The following ATP13A4 variants were observed in gnomAD, a reference collection of about 807,000 sequenced individuals.
ATP13A4 encodes ATPase 13A4, also known as probable cation-transporting ATPase 13A4.
Under a neutral mutation model 142.5 loss-of-function variants are expected in ATP13A4, and 114 were observed. The observed-to-expected ratio is 0.80, with a 90% CI of 0.69 to 0.93. The LOEUF (loss-of-function observed/expected upper bound fraction) is 0.93, where lower values mean the gene tolerates loss of function less well. Among genes scored for constraint, ATP13A4 ranks in the 40% least tolerant of loss-of-function variants. The pLI is 0.00. For missense variants in ATP13A4, 1,392 were observed against 1,454.0 expected (o/e 0.96, Z 0.69); for synonymous variants, 488 against 514.8 (o/e 0.95, Z 0.70).
upstream of ATP13A4, among the ~76,000 whole-genome samples, chr3:193,555,512 A>G (rs1396506896): frequency 6.6e-6 from 1 of 152,236 alleles, no homozygotes; most frequent in Non-Finnish European, 1.5e-5. Context: ...AAACTAGTCT[A>G]TGTAGTCTCC....
upstream of ATP13A4, among the ~76,000 whole-genome samples, chr3:193,556,275 T>C (rs1723884410): frequency 6.6e-6 from 1 of 152,202 alleles, no homozygotes; most frequent in Non-Finnish European, 1.5e-5. Flanking sequence ...ACCTTCACCA[T>C]GTCCACTGTC....
chr3:193,407,788 G>A (rs1714576882), intron 28 of ATP13A4, among the ~76,000 whole-genome samples: 1 of 152,182 alleles, frequency 6.6e-6, no homozygotes, highest in African/African-American at 2.4e-5. Flanking sequence ...CAGGAATGTG[G>A]CTTTATCCCC....
At chr3:193,491,925 CA>C (rs1197357939) in intron 5 of ATP13A4, among the ~76,000 whole-genome samples, 2 of 152,136 alleles carry the variant, frequency 1.3e-5, no homozygotes, top group Non-Finnish European at 2.9e-5. Context: ...CTTTTTGATT[CA>C]GTGTCTCTAA....
intron 25 of ATP13A4, among the ~76,000 whole-genome samples, chr3:193,423,820 T>C (rs1331768601): frequency 1.5e-5 from 2 of 137,770 alleles, no homozygotes; most frequent in African/African-American, 2.7e-5. Context: ...CTGGAAGTCC[T>C]AGCCAGAGCA....
chr3:193,441,634 G>C lies in ATP13A4; in HGVS notation c.2317-46C>G, dbSNP rs370819281. 3.4e-5 allele frequency: 54 copies of C among 1,602,356 alleles called. No homozygotes were observed. The African/African-American group carries it at 7.0e-4, about 21-fold the overall frequency. On this transcript the variant is annotated intron_variant, in intron 19 of 29. Coordinates refer to ENST00000342695, the MANE Select transcript of ATP13A4 (RefSeq NM_032279.4). ...ATTTTAGACTCTTTCATTTGACAGA[G>C]TGGTTAGAACCATAAGCATATCTGA... is the stretch of plus-strand genomic sequence containing the variant.
chr3:193,541,470 ATAT>A (rs1436598231), intron 1 of ATP13A4, among the ~76,000 whole-genome samples: 1 of 149,880 alleles, frequency 6.7e-6, no homozygotes, highest in Non-Finnish European at 1.5e-5. Context: ...TTTCACAGAG[ATAT>A]TATCTCTGAC....
At chr3:193,458,938 C>T in intron 14 of ATP13A4, 143 bp downstream of exon 14, 1 of 1,077,756 alleles carries the variant, frequency 9.3e-7, no homozygotes, top group Non-Finnish European at 1.4e-6. Context: ...AGGAAACCAG[C>T]CTTAGATTGG....
intron 9 of ATP13A4, 124 bp from the exon 10 acceptor site, chr3:193,467,610 C>T: frequency 2.1e-6 from 2 of 945,006 alleles, no homozygotes; most frequent in South Asian, 2.6e-5. Flanking sequence ...AGAGACAACC[C>T]TAGGTATTGG....
intron 1 of ATP13A4, among the ~76,000 whole-genome samples, chr3:193,586,112 CACACAT>C (rs1226539568): frequency 1.7e-4 from 21 of 126,268 alleles, no homozygotes; most frequent in Admixed American, 9.9e-4. Context: ...CACACACACA[CACACAT>C]ATACACACAC....
chr3:193,539,699 CA>C (rs1003846606), intron 1 of ATP13A4, among the ~76,000 whole-genome samples: 8 of 152,200 alleles, frequency 5.3e-5, no homozygotes, highest in Non-Finnish European at 1.0e-4. Flanking sequence ...ACAACAGAAA[CA>C]GTTAGTCTTT....
chr3:193,437,825 A>ATTTTT lies in ATP13A4; in HGVS notation c.2672+645_2672+649dup, dbSNP rs372139378. On this transcript the variant is annotated intron_variant, in intron 23 of 29. Transcript: ENST00000342695. Reference sequence around the variant, plus strand: ...GTGAGAGCAGCAAAAGCCAATAAAGATTTTTTTTTTTTTTTTTTTTTTTTG... The same window carrying ATTTTT: ...GTGAGAGCAGCAAAAGCCAATAAAGATTTTTTTTTTTTTTTTTTTTTTTTTTTTTG... Among the ~76,000 whole-genome samples, 17 of 102,946 alleles carry ATTTTT rather than the reference A, an allele frequency of 1.7e-4. 1 individual carries two copies. Among genetic ancestry groups the ATTTTT allele is most frequent in the Admixed American group, 3.4e-4 (3 of 8,810 alleles). 67.5% of individuals were successfully genotyped at this position (102,946 alleles called of 152,430 possible).
Position 193,502,457 on chromosome 3 carries a change from C to T in ATP13A4, c.381+36G>A, listed in dbSNP as rs367829685. ...ATACTTGAGGGGAAAAAGATTAAAT[C>T]TCTCTGACATCAGCAGTAGCCATAA... On this transcript the variant is annotated intron_variant, in intron 3 of 29. Transcript: ENST00000342695. 3.1e-6 allele frequency: 5 copies of T among 1,606,306 alleles called. No individual in the cohort carries two copies. The African/African-American group carries it at 5.4e-5, about 17-fold the overall frequency.
intron 1 of ATP13A4, among the ~76,000 whole-genome samples, chr3:193,531,330 GGAAGGA>G: frequency 1.5e-5 from 2 of 130,706 alleles, no homozygotes; most frequent in African/African-American, 5.7e-5. Flanking sequence ...AAGGAAGGAA[GGAAGGA>G]AGGGAGGAAG....
intron 22 of ATP13A4, 52 bp from the exon 23 acceptor site, chr3:193,438,636 C>T: frequency 6.7e-7 from 1 of 1,486,816 alleles, no homozygotes; most frequent in Non-Finnish European, 9.4e-7. Flanking sequence ...TACGTCTCTA[C>T]TAAAGCCTCA....
chr3:193,467,290 A>G (rs1199963038), intron 10 of ATP13A4, 26 bp downstream of exon 10: 4 of 1,613,678 alleles, frequency 2.5e-6, no homozygotes, highest in East Asian at 2.2e-5. Context: ...TACCATTAAA[A>G]ATAAGAAAAA....
chr3:193,575,972 T>G (rs1184763881), intron 2 of ATP13A4, among the ~76,000 whole-genome samples: 1 of 152,142 alleles, frequency 6.6e-6, no homozygotes, highest in Non-Finnish European at 1.5e-5. Context: ...GGACGGGGAC[T>G]GGGATGGGGC....
At chr3:193,404,947 T>C (rs1399181404) in intron 29 of ATP13A4, among the ~76,000 whole-genome samples, 1 of 152,130 alleles carries the variant, frequency 6.6e-6, no homozygotes, top group Non-Finnish European at 1.5e-5. Flanking sequence ...TCAATAATTG[T>C]TTTAAAGGTG....
rs1014827662 is a variant in ATP13A4, at chr3:193,436,897, G to A, written c.2673-1153C>T. 8.7e-5 allele frequency among the ~76,000 whole-genome samples: 13 copies of A among 149,374 alleles called. 1 individual carries two copies. Among genetic ancestry groups the A allele is most frequent in the Admixed American group, 4.6e-4 (7 of 15,184 alleles). ...AGGCGGGCGGATCACGAGGTCAGGA[G>A]ATCGAGACCATCCCGGCTAAAACGG... is the stretch of plus-strand genomic sequence containing the variant. On this transcript the variant is annotated intron_variant, in intron 23 of 29. Transcript: ENST00000342695.
chr3:193,489,283 C>G (rs758941591), intron 7 of ATP13A4, among the ~76,000 whole-genome samples: 23 of 152,030 alleles, frequency 1.5e-4, no homozygotes, highest in Non-Finnish European at 2.8e-4. Context: ...TATCTAGAAA[C>G]CTGGTGTAGG....
Sources: gnomAD v4.1 joint callset for allele counts (sites outside exome capture counted in the v4.1 genomes callset) on GRCh38, gnomAD v4.1.1 for gene constraint, MANE v1.5 for transcripts, NCBI Gene and HGNC (gene_info 2026-07-23, HGNC 2026-07-21) for gene names.